Variants in TRPM4 observed in about 807,000 individuals in gnomAD.
The protein encoded by TRPM4 is calcium-activated non-selective cation channel 1.
A neutral mutation model predicts 135.6 loss-of-function variants in TRPM4; 124 were observed. The ratio of observed to expected loss-of-function variants is 0.91; its 90% CI spans 0.79 to 1.06. The LOEUF is 1.06. TRPM4 is among the 50% of genes least tolerant of loss of function. The pLI, the probability that TRPM4 is intolerant of heterozygous loss-of-function variation, is 0.00. For missense variants in TRPM4, 1,658 were observed against 1,671.4 expected (o/e 0.99, Z 0.14); for synonymous variants, 745 against 705.6 (o/e 1.06, Z -0.88).
intron 12 of TRPM4, among the ~76,000 whole-genome samples, chr19:49,184,414 T>C (rs1030738256): frequency 7.3e-5 from 11 of 150,892 alleles, no homozygotes; most frequent in African/African-American, 2.4e-4. Flanking sequence ...GCTTTTTAGC[T>C]TCAGAGTTTC....
At chr19:49,186,171 T>A (rs12975882) in intron 12 of TRPM4, among the ~76,000 whole-genome samples, 2 of 152,224 alleles carry the variant, frequency 1.3e-5, no homozygotes, top group Non-Finnish European at 2.9e-5. Context: ...TATCCTTAAA[T>A]GCCTAGAACC....
chr19:49,177,726 A>G (rs975084787), intron 9 of TRPM4, among the ~76,000 whole-genome samples: 4 of 151,870 alleles, frequency 2.6e-5, no homozygotes, highest in African/African-American at 9.7e-5. Context: ...AAGGATTATC[A>G]CCCCATTTTG....
intron 9 of TRPM4, among the ~76,000 whole-genome samples, chr19:49,178,358 G>A (rs1409568377): frequency 2.6e-5 from 4 of 152,066 alleles, no homozygotes; most frequent in Admixed American, 6.6e-5. Flanking sequence ...GGAGTGGGTG[G>A]GGGCAGAGTG....
chr19:49,211,640 C>T lies in TRPM4; in HGVS notation c.*142C>T. 1 of 1,060,790 alleles carries T rather than the reference C, an allele frequency of 9.4e-7. No individual in the cohort carries two copies. The allele number at this position is 1,060,790 out of a possible 1,614,324, so 65.7% of individuals were successfully genotyped here. ...TCCATCTGGGCCACTGTCAGGACCACCTTTGGGAGTGTCATCCTTACAAAC... is the reference window on the plus strand; with the variant it reads ...TCCATCTGGGCCACTGTCAGGACCATCTTTGGGAGTGTCATCCTTACAAAC... On this transcript the variant is annotated 3_prime_UTR_variant, in exon 25 of 25. Coordinates refer to ENST00000252826, the MANE Select transcript of TRPM4 (RefSeq NM_017636.4). This position sits in a 1 kb window ranked among gnomAD's most constrained non-coding sequence, Gnocchi z 4.8.
At chr19:49,188,592 C>T in intron 12 of TRPM4, 49 bp from the exon 13 acceptor site, 1 of 1,613,878 alleles carries the variant, frequency 6.2e-7, no homozygotes, top group Non-Finnish European at 8.5e-7. Context: ...GGCTTCCTCC[C>T]CCTCTATGAA....
At chr19:49,203,204 G>A (rs984572954) in intron 20 of TRPM4, among the ~76,000 whole-genome samples, 10 of 145,244 alleles carry the variant, frequency 6.9e-5, no homozygotes, top group Non-Finnish European at 1.5e-4. Context: ...TTTTGAGATG[G>A]AGTCTCGCTC....
rs765192070 is a variant in TRPM4, at chr19:49,196,604, T to A, written c.2375T>A (p.Leu792Gln). ...ATGGGCAACGTGGTCAGCTACCTGC[T>A]GTTCCTGCTGCTTTTCTCGCGGGTG... ...IFMGNVVSYLLFLLLFSRVLL... is the reference protein window; with the variant it reads ...IFMGNVVSYLQFLLLFSRVLL... Residue 792 changes from leucine to glutamine, a missense_variant, in exon 17 of 25, where the codon CTG (leucine) becomes CAG (glutamine). Physicochemically the swap from Leu to Gln is moderately radical, Grantham distance 113. Transcript: ENST00000252826. The A allele has an allele frequency of 9.6e-6, 15 of 1,556,288 alleles. No individual in the cohort carries two copies. Among genetic ancestry groups the A allele is most frequent in the Admixed American group, 1.9e-5 (1 of 52,188 alleles).
At position 49,197,296 on chromosome 19, in the gene TRPM4, CTCTTTCTTTCTTTTTCTT is replaced by C. The variant is rs879502074; in HGVS notation, c.2645+436_2645+453del. Among the ~76,000 whole-genome samples, 121 of 124,670 alleles carry C rather than the reference CTCTTTCTTTCTTTTTCTT, an allele frequency of 9.7e-4. 1 individual carries two copies. The highest frequency in any genetic ancestry group is 2.1e-3 in the South Asian group (8 of 3,780). 81.8% of individuals were successfully genotyped at this position (124,670 alleles called of 152,430 possible). A position where few individuals can be genotyped will look rare whatever the true frequency, so the allele number is the denominator to read the frequency against. On this transcript the variant is annotated intron_variant, in intron 17 of 24. Transcript: ENST00000252826. ...TTCCTTTTTTTTTCTTTCTTTCTTT[CTCTTTCTTTCTTTTTCTT>C]TCTTTCTTTCTTTCTTTCTTTCTTT... is the stretch of plus-strand genomic sequence containing the variant.
At position 49,200,795 on chromosome 19, in the gene TRPM4, A is replaced by G. The variant is rs894733259; in HGVS notation, c.2953+10A>G. 6.2e-7 allele frequency: 1 copy of G among 1,613,222 alleles called. No individual in the cohort carries two copies. Among genetic ancestry groups the G allele is most frequent in the Non-Finnish European group, 8.5e-7 (1 of 1,179,904 alleles). On this transcript the variant is annotated intron_variant, in intron 19 of 24. Coordinates refer to ENST00000252826, the MANE Select transcript of TRPM4 (RefSeq NM_017636.4). ...CAGGAGGACATGGACGGTAGGGGGG[A>G]TGACGGCCTGACAGCCTTCCTCTGA...
rs574534855 is a variant in TRPM4 at position 49,187,195 on chromosome 19, GT to G, written c.1744-1433del. On this transcript the variant is annotated intron_variant, in intron 12 of 24. Transcript: ENST00000252826. Reference sequence around the variant, plus strand: ...TGGTCTCTTCATTAAGCATTTTCTTGTTTTTTTTTTTTTATAAGTTTTCGAT... The same window carrying G: ...TGGTCTCTTCATTAAGCATTTTCTTGTTTTTTTTTTTTATAAGTTTTCGAT... 4.1e-3 allele frequency among the ~76,000 whole-genome samples: 584 copies of G among 142,018 alleles called. 1 individual carries two copies. The highest frequency in any genetic ancestry group is 0.026 in the South Asian group (117 of 4,462). 93.2% of individuals were successfully genotyped at this position (142,018 alleles called of 152,430 possible). A position where few individuals can be genotyped will look rare whatever the true frequency, so the allele number is the denominator to read the frequency against.
chr19:49,164,330 GTCTC>G (rs1162648131), intron 2 of TRPM4, among the ~76,000 whole-genome samples: 14 of 44,908 alleles, frequency 3.1e-4, no homozygotes, highest in African/African-American at 5.5e-4. Context: ...CTCCCTCTCT[GTCTC>G]TCTCCCTCCC....
rs758295164 is a variant in TRPM4, at chr19:49,188,766, C to A, written c.1869C>A (p.Gly623=). 14 of 1,613,960 alleles carry A rather than the reference C, an allele frequency of 8.7e-6. No homozygotes were observed. In the Admixed American group the frequency reaches 1.3e-4, roughly 15 times the overall value. Residue 623 remains glycine (G), a synonymous_variant, in exon 13 of 25, where the codon GGC becomes GGA. Transcript: ENST00000252826. ...TGGCGTTCAAGTTTGAGGGGATGGG[C>A]GTTGGTGCGTGGGGCACGGTGCCTG... is the stretch of plus-strand genomic sequence containing the variant. ...KDLAFKFEGM[G]VDLFGECYRS...
At chr19:49,209,723 C>T (rs1162034674) in intron 20 of TRPM4, among the ~76,000 whole-genome samples, 8 of 151,006 alleles carry the variant, frequency 5.3e-5, no homozygotes, top group Admixed American at 2.0e-4. Context: ...GACATCTGAC[C>T]CTTGGCCCTT....
rs776638435 is a variant in TRPM4, at chr19:49,200,748, G to A, written c.2916G>A (p.Leu972=). 1 of 1,614,106 alleles carries A rather than the reference G, an allele frequency of 6.2e-7. No individual in the cohort carries two copies. Among genetic ancestry groups the A allele is most frequent in the Non-Finnish European group, 8.5e-7 (1 of 1,180,018 alleles). The change falls in exon 19 of 25, where the codon CTG becomes CTA. Residue 972 remains leucine (L), a synonymous_variant. Coordinates refer to ENST00000252826, the MANE Select transcript of TRPM4 (RefSeq NM_017636.4). ...GCCGCGTCTTCTACCGTCCCTACCT[G>A]CAGATCTTCGGGCAGATTCCCCAGG... ...ILRRVFYRPY[L]QIFGQIPQED...
At chr19:49,190,942 T>C (rs1968389176) in intron 16 of TRPM4, among the ~76,000 whole-genome samples, 169 bp downstream of exon 16, 1 of 152,064 alleles carries the variant, frequency 6.6e-6, no homozygotes, top group South Asian at 2.1e-4. Flanking sequence ...GTTCTGCAGG[T>C]TGTACAGGAA....
chr19:49,157,999 G>C (rs1411795045), intron 1 of TRPM4, 109 bp downstream of exon 1: 35 of 1,355,044 alleles, frequency 2.6e-5, no homozygotes, highest in Non-Finnish European at 3.4e-5. Flanking sequence ...ACGGAGGAGG[G>C]GGATGGGAGG....
rs1250791595 is a variant in TRPM4 at position 49,182,873 on chromosome 19, C to G, written c.1559C>G (p.Pro520Arg). ...LLGKMCAPRY[P>R]SGGAWDPHPG... ...GGGAAGATGTGCGCGCCGAGGTACC[C>G]CTCCGGGGGCGCCTGGGACCCTCAC... Residue 520 changes from proline to arginine, a missense_variant, in exon 11 of 25, where the codon CCC becomes CGC. Physicochemically the swap from Pro to Arg is moderately radical, Grantham distance 103. Transcript: ENST00000252826. 6 of 1,605,286 alleles carry G rather than the reference C, an allele frequency of 3.7e-6. No homozygotes were observed. In the African/African-American group the frequency reaches 6.7e-5, roughly 18 times the overall value.
intron 17 of TRPM4, among the ~76,000 whole-genome samples, chr19:49,197,248 C>T (rs1476392788): frequency 1.3e-5 from 2 of 152,040 alleles, no homozygotes; most frequent in Non-Finnish European, 2.9e-5. Context: ...CCCTTGCCCT[C>T]CTGCCCCCGA....
rs1422265811 is a variant in TRPM4 at position 49,190,682 on chromosome 19, T to C, written c.2133-14T>C. 3 of 1,613,706 alleles carry C rather than the reference T, an allele frequency of 1.9e-6. No homozygotes were observed. The highest frequency in any genetic ancestry group is 2.5e-6 in the Non-Finnish European group (3 of 1,179,772). On this transcript the variant is annotated splice_polypyrimidine_tract_variant and intron_variant, in intron 15 of 24. Coordinates refer to ENST00000252826, the MANE Select transcript of TRPM4 (RefSeq NM_017636.4). ...TTCCCCTCATTTCTTGCTCTGTGCT[T>C]CCCCCCTTGCTAGGAAATCAGAAGA...
Sources: gnomAD v4.1 joint callset for allele counts (sites outside exome capture counted in the v4.1 genomes callset) on GRCh38, gnomAD v4.1.1 for gene constraint, Gnocchi (gnomAD v3.1) non-coding constraint, MANE v1.5 for transcripts, NCBI Gene and HGNC (gene_info 2026-07-23, HGNC 2026-07-21) for gene names.